The following DOK5 variants were observed in gnomAD, a reference collection of about 807,000 sequenced individuals.
The protein encoded by DOK5 is downstream of tyrosine kinase 5.
DOK5 carries 27 observed loss-of-function variants against 43.3 expected under a neutral mutation model. The ratio of observed to expected loss-of-function variants is 0.62; its 90% CI spans 0.46 to 0.86. The LOEUF is 0.86. Ranked by LOEUF, DOK5 falls within the 40% of genes least tolerant of loss-of-function variation. The pLI, the probability that DOK5 is intolerant of heterozygous loss-of-function variation, is 0.00. For missense variants in DOK5, 373 were observed against 392.9 expected (o/e 0.95, Z 0.43); for synonymous variants, 146 against 140.1 (o/e 1.04, Z -0.30).
At chr20:54,543,623 G>T (rs567134427) in intron 1 of DOK5, among the ~76,000 whole-genome samples, 4 of 151,540 alleles carry the variant, frequency 2.6e-5, no homozygotes, top group Non-Finnish European at 5.9e-5. Context: ...AGAGAGGAGG[G>T]GAAGGGAGAG....
intron 2 of DOK5, among the ~76,000 whole-genome samples, chr20:54,579,131 A>G (rs1985548946): frequency 6.6e-6 from 1 of 152,138 alleles, no homozygotes; most frequent in Non-Finnish European, 1.5e-5. Context: ...TTTTGCCATA[A>G]TCAGTATCAT....
chr20:54,650,349 G>A, intron 7 of DOK5, 66 bp from the exon 8 acceptor site: 1 of 1,509,234 alleles, frequency 6.6e-7, no homozygotes, highest in Non-Finnish European at 9.1e-7. Flanking sequence ...GAAAGTTGTT[G>A]CCACCTAATT....
At chr20:54,556,580 C>T (rs1326096774) in intron 2 of DOK5, among the ~76,000 whole-genome samples, 6 of 152,142 alleles carry the variant, frequency 3.9e-5, no homozygotes, top group Admixed American at 6.6e-5. Flanking sequence ...AACAAGATGG[C>T]GAGCAATGCT....
chr20:54,488,161 C>G (rs1006534694), intron 1 of DOK5, among the ~76,000 whole-genome samples: 1 of 152,182 alleles, frequency 6.6e-6, no homozygotes, highest in African/African-American at 2.4e-5. Flanking sequence ...GGGTTCCATT[C>G]CACCAACAGT....
intron 1 of DOK5, among the ~76,000 whole-genome samples, chr20:54,553,193 A>T (rs985316161): frequency 3.3e-5 from 5 of 152,086 alleles, no homozygotes; most frequent in Non-Finnish European, 7.4e-5. Flanking sequence ...CTAAGGATAG[A>T]TTTCTATTCT....
chr20:54,533,562 A>G (rs1983853459), intron 1 of DOK5, among the ~76,000 whole-genome samples: 1 of 152,242 alleles, frequency 6.6e-6, no homozygotes, highest in Non-Finnish European at 1.5e-5. Flanking sequence ...AACCTTATTA[A>G]GCACTAAGTA....
At chr20:54,522,508 C>A (rs1983439503) in intron 1 of DOK5, among the ~76,000 whole-genome samples, 1 of 150,286 alleles carries the variant, frequency 6.7e-6, no homozygotes, top group African/African-American at 2.5e-5. Flanking sequence ...TTTTCTTTTT[C>A]TTTTTCTTTC....
intron 1 of DOK5, among the ~76,000 whole-genome samples, chr20:54,522,879 T>A (rs1042414973): frequency 3.3e-5 from 5 of 152,200 alleles, no homozygotes; most frequent in African/African-American, 1.2e-4. Context: ...TTGTTTTACT[T>A]CTTTTTCTTG....
intron 1 of DOK5, among the ~76,000 whole-genome samples, chr20:54,485,825 T>A (rs1422037139): frequency 6.6e-6 from 1 of 152,256 alleles, no homozygotes; most frequent in African/African-American, 2.4e-5. Flanking sequence ...TTTGGTGTCA[T>A]CACTGTGTTT....
At chr20:54,513,484 A>AC (rs1568761785) in intron 1 of DOK5, among the ~76,000 whole-genome samples, 5 of 151,068 alleles carry the variant, frequency 3.3e-5, no homozygotes, top group Non-Finnish European at 5.9e-5. Flanking sequence ...AAAAAAAAAA[A>AC]AAAACCCAAC....
intron 1 of DOK5, among the ~76,000 whole-genome samples, chr20:54,512,031 T>C (rs1983032638): frequency 6.6e-6 from 1 of 152,160 alleles, no homozygotes; most frequent in African/African-American, 2.4e-5. Context: ...GTCTACCTTA[T>C]ACACACCAAC....
At chr20:54,482,333 C>G (rs897272311) in intron 1 of DOK5, among the ~76,000 whole-genome samples, 3 of 152,106 alleles carry the variant, frequency 2.0e-5, no homozygotes, top group African/African-American at 7.2e-5. Flanking sequence ...TTTTCTAATT[C>G]TTTCATTTTA....
chr20:54,609,030 A>G (rs1033530694), intron 5 of DOK5, among the ~76,000 whole-genome samples: 4 of 152,190 alleles, frequency 2.6e-5, no homozygotes, highest in Non-Finnish European at 2.9e-5. Context: ...AATTTAATTC[A>G]AATGTAATGG....
chr20:54,573,740 A>G (rs1985368976), intron 2 of DOK5, among the ~76,000 whole-genome samples: 1 of 151,130 alleles, frequency 6.6e-6, no homozygotes, highest in Non-Finnish European at 1.5e-5. Context: ...CGTTGACTTC[A>G]TTTCAGTAGA....
chr20:54,591,350 A>T (rs1345600342), intron 4 of DOK5, among the ~76,000 whole-genome samples: 1 of 152,238 alleles, frequency 6.6e-6, no homozygotes, highest in East Asian at 1.9e-4. Flanking sequence ...ATGCAAATTT[A>T]AAAATTCTAA....
chr20:54,630,078 C>T (rs1432474117), intron 6 of DOK5, among the ~76,000 whole-genome samples: 4 of 152,096 alleles, frequency 2.6e-5, no homozygotes, highest in Admixed American at 1.3e-4. Flanking sequence ...AGTTTGCTTT[C>T]GAATTGATCA....
intron 1 of DOK5, among the ~76,000 whole-genome samples, chr20:54,479,660 C>A (rs1024192621): frequency 3.9e-5 from 6 of 152,118 alleles, no homozygotes; most frequent in Non-Finnish European, 8.8e-5. Context: ...AGTTACTTGC[C>A]TTTAAGTGAC....
chr20:54,560,443 C>T (rs560022195), intron 2 of DOK5, among the ~76,000 whole-genome samples: 13 of 152,252 alleles, frequency 8.5e-5, no homozygotes, highest in African/African-American at 3.1e-4. Context: ...AATTCCATAT[C>T]CACATTTCTA....
chr20:54,541,592 T>A (rs1438589038), intron 1 of DOK5, among the ~76,000 whole-genome samples: 1 of 152,004 alleles, frequency 6.6e-6, no homozygotes, highest in African/African-American at 2.4e-5. Flanking sequence ...TGCACCACCA[T>A]GCCCGGCTAA....
Sources: allele counts gnomAD v4.1 joint callset (sites outside exome capture counted in the v4.1 genomes callset), GRCh38; gene constraint gnomAD v4.1.1; transcripts MANE v1.5; gene names NCBI Gene and HGNC (gene_info 2026-07-23, HGNC 2026-07-21).